The following SMAD6 variants were observed in gnomAD, a reference collection of about 807,000 sequenced individuals.
SMAD6 encodes MAD homolog 6.
In SMAD6, 103 loss-of-function variants were observed where a neutral mutation model predicts 39.4. That is an observed-to-expected ratio of 2.62 (90% confidence interval 2.23 to 3.08). The LOEUF (loss-of-function observed/expected upper bound fraction) is 3.08, where lower values mean the gene tolerates loss of function less well. SMAD6 is among the 30% of genes most tolerant of loss of function. The probability of loss-of-function intolerance (pLI) is 0.00; values close to 1 mark genes in which losing one functional copy is unlikely to be tolerated. For synonymous variants in SMAD6, 445 were observed against 353.3 expected (o/e 1.26, Z -2.91); for missense variants, 1,104 against 742.9 (o/e 1.49, Z -5.65).
chr15:66,760,753 C>T lies in SMAD6; in HGVS notation c.953-20244C>T, dbSNP rs1032750935. Among the ~76,000 whole-genome samples, 5 of 152,306 alleles carry T rather than the reference C, an allele frequency of 3.3e-5. No homozygotes were observed. In the South Asian group the frequency reaches 1.0e-3, roughly 32 times the overall value. ...TAGTCAGGGCCATCCGTGACGGCTC[C>T]AGAGTGTCGCCTTCCCAGCCAGTCT... is the stretch of plus-strand genomic sequence containing the variant. On this transcript the variant is annotated intron_variant, in intron 3 of 3. Coordinates refer to ENST00000288840, the MANE Select transcript of SMAD6 (RefSeq NM_005585.5).
At chr15:66,761,515 A>G (rs1045752086) in intron 3 of SMAD6, among the ~76,000 whole-genome samples, 1 of 152,186 alleles carries the variant, frequency 6.6e-6, no homozygotes, top group Non-Finnish European at 1.5e-5. Context: ...ACAAGAACAA[A>G]TAAACAGACC....
rs567370712 is a variant in SMAD6, at chr15:66,734,488, C to T, written c.952+17990C>T. On this transcript the variant is annotated intron_variant, in intron 3 of 3. Transcript: ENST00000288840. ...GGAAGAGCCTTTTTAGTCGGAGAGG[C>T]CCTAGCCTGGCATTTATTTAACAGT... 7.2e-5 allele frequency among the ~76,000 whole-genome samples: 11 copies of T among 152,290 alleles called. 1 individual carries two copies. The South Asian group carries it at 1.2e-3, about 17-fold the overall frequency.
rs71455528 is a variant in SMAD6 at position 66,731,943 on chromosome 15, C to CTT, written c.952+15462_952+15463dup. The stretch of plus-strand genomic sequence containing the variant: ...CATAAGCGGTAGTATCTCATTGTGA[C>CTT]TTTTTTTTTTTTTTTTTTGAGACAG... On this transcript the variant is annotated intron_variant, in intron 3 of 3. Coordinates refer to ENST00000288840, the MANE Select transcript of SMAD6 (RefSeq NM_005585.5). 7.6e-3 allele frequency among the ~76,000 whole-genome samples: 1,016 copies of CTT among 133,202 alleles called. 17 individuals carry two copies. Among genetic ancestry groups the CTT allele is most frequent in the African/African-American group, 0.019 (681 of 36,028 alleles). The allele number at this position is 133,202 out of a possible 152,430, so 87.4% of individuals were successfully genotyped here. A position where few individuals can be genotyped will look rare whatever the true frequency, so the allele number is the denominator to read the frequency against.
At chr15:66,738,185 G>A (rs920369965) in intron 3 of SMAD6, among the ~76,000 whole-genome samples, 4 of 152,170 alleles carry the variant, frequency 2.6e-5, no homozygotes, top group African/African-American at 4.8e-5. Flanking sequence ...CCAATAGCTG[G>A]GGACACAGAT....
At position 66,781,604 on chromosome 15, in the gene SMAD6, C is replaced by G. The variant is rs1022942633; in HGVS notation, c.*69C>G. On this transcript the variant is annotated 3_prime_UTR_variant, in exon 4 of 4. Coordinates refer to ENST00000288840, the MANE Select transcript of SMAD6 (RefSeq NM_005585.5). ...GCCACCTGCCGGCCTCGAGAGGGGC[C>G]GATGCCCAGAGACACAGCCCCCACG... The G allele has an allele frequency of 5.7e-6, 7 of 1,226,234 alleles. No individual in the cohort carries two copies. The African/African-American group carries it at 1.1e-4, about 19-fold the overall frequency. The allele number at this position is 1,226,234 out of a possible 1,614,324, so 76.0% of individuals were successfully genotyped here.
At chr15:66,772,193 A>G (rs1894390677) in intron 3 of SMAD6, among the ~76,000 whole-genome samples, 1 of 152,142 alleles carries the variant, frequency 6.6e-6, no homozygotes, top group African/African-American at 2.4e-5. Context: ...GAGTAATGCA[A>G]AGAGTCCACA....
chr15:66,780,929 C>T (rs575716806), intron 3 of SMAD6, 68 bp from the exon 4 acceptor site: 2 of 1,453,222 alleles, frequency 1.4e-6, no homozygotes, highest in African/African-American at 2.8e-5. Flanking sequence ...CAGTGCCCAC[C>T]TCCGCTCCTC....
In SMAD6 at chr15:66,718,104, G is replaced by T. The variant is rs768460135; in HGVS notation, c.952+1606G>T. On this transcript the variant is annotated intron_variant, in intron 3 of 3. Coordinates refer to ENST00000288840, the MANE Select transcript of SMAD6 (RefSeq NM_005585.5). ...CTCTTTCTCCCTATTGTTAATGATG[G>T]AAAGTCCGTGTGTGTGTGTGTGTGT... 1.5e-3 allele frequency among the ~76,000 whole-genome samples: 222 copies of T among 147,664 alleles called. 1 individual carries two copies. Among genetic ancestry groups the T allele is most frequent in the Non-Finnish European group, 8.6e-4 (58 of 67,126 alleles).
In SMAD6 at chr15:66,704,084, G is replaced by A; in HGVS notation, c.817+9G>A. On this transcript the variant is annotated intron_variant, in intron 1 of 3. Transcript: ENST00000288840. ...CCGGCTCTGCGGGCCCGGTGAGCGC[G>A]CTGCGCCGGCCGGGGGGGCCCCGGG... 2.1e-6 allele frequency: 3 copies of A among 1,460,496 alleles called. No homozygotes were observed. The highest frequency in any genetic ancestry group is 2.7e-6 in the Non-Finnish European group (3 of 1,113,370). 90.5% of individuals were successfully genotyped at this position (1,460,496 alleles called of 1,614,324 possible).
rs765573567 is a variant in SMAD6 at position 66,704,046 on chromosome 15, C to G, written c.788C>G (p.Pro263Arg). ...GACGGCCCTACCGTGTGCTGCAACC[C>G]CTACCACTTCAGCCGGCTCTGCGGG... ...AADGPTVCCN[P>R]YHFSRLCGPE... The change falls in exon 1 of 4, where the codon CCC becomes CGC. Residue 263 changes from proline to arginine, a missense_variant. Pro to Arg is a moderately radical substitution (Grantham distance 103). Coordinates refer to ENST00000288840, the MANE Select transcript of SMAD6 (RefSeq NM_005585.5). The G allele has an allele frequency of 4.0e-6, 6 of 1,510,478 alleles. No homozygotes were observed. Among genetic ancestry groups the G allele is most frequent in the African/African-American group, 1.4e-5 (1 of 69,594 alleles). The allele number at this position is 1,510,478 out of a possible 1,614,324, so 93.6% of individuals were successfully genotyped here. A position where few individuals can be genotyped will look rare whatever the true frequency, so the allele number is the denominator to read the frequency against.
rs757580145 is a variant in SMAD6 at position 66,703,959 on chromosome 15, A to T, written c.701A>T (p.Asp234Val). 1 of 1,438,296 alleles carries T rather than the reference A, an allele frequency of 7.0e-7. No individual in the cohort carries two copies. The highest frequency in any genetic ancestry group is 1.4e-5 in the South Asian group (1 of 73,406). 89.1% of individuals were successfully genotyped at this position (1,438,296 alleles called of 1,614,324 possible). A position where few individuals can be genotyped will look rare whatever the true frequency, so the allele number is the denominator to read the frequency against. Residue 234 changes from aspartate (D) to valine (V), a missense_variant, in exon 1 of 4, where the codon GAC (aspartate) becomes GTC (valine). Transcript: ENST00000288840. ...CTCGGCCGCCTCTTTCGCTGGCCCGACCTGCAGCACGCCGTGGAGCTGAAG... is the reference window on the plus strand; with the variant it reads ...CTCGGCCGCCTCTTTCGCTGGCCCGTCCTGCAGCACGCCGTGGAGCTGAAG... ...LLLGRLFRWP[D>V]LQHAVELKPL...
chr15:66,769,864 G>C (rs1894351046), intron 3 of SMAD6, among the ~76,000 whole-genome samples: 2 of 152,124 alleles, frequency 1.3e-5, no homozygotes, highest in South Asian at 4.1e-4. Flanking sequence ...ATGGAGTCTT[G>C]CTCTGTTGCC....
At chr15:66,773,359 G>A (rs1028202983) in intron 3 of SMAD6, among the ~76,000 whole-genome samples, 10 of 152,096 alleles carry the variant, frequency 6.6e-5, no homozygotes, top group Admixed American at 2.6e-4. Context: ...TTTTACTGCC[G>A]GAGCCCGGTG....
At chr15:66,779,283 A>G (rs1338784077) in intron 3 of SMAD6, among the ~76,000 whole-genome samples, 2 of 152,198 alleles carry the variant, frequency 1.3e-5, no homozygotes, top group Non-Finnish European at 2.9e-5. Flanking sequence ...GGCAGGATGC[A>G]GGACCTCTTC....
chr15:66,718,535 G>A (rs1345116244), intron 3 of SMAD6, among the ~76,000 whole-genome samples: 1 of 152,216 alleles, frequency 6.6e-6, no homozygotes, highest in Non-Finnish European at 1.5e-5. Flanking sequence ...CTATGCCAAG[G>A]ACATTGAGTG....
In SMAD6 at chr15:66,702,975, T is replaced by G; in HGVS notation, c.-284T>G. The G allele has an allele frequency of 6.8e-6, 2 of 296,282 alleles. No individual in the cohort carries two copies. Among genetic ancestry groups the G allele is most frequent in the Non-Finnish European group, 1.3e-5 (2 of 158,702 alleles). 18.4% of individuals were successfully genotyped at this position (296,282 alleles called of 1,614,324 possible). On this transcript the variant is annotated 5_prime_UTR_variant, in exon 1 of 4. Transcript: ENST00000288840. ...TGCAGCCCCCCTAAAGCGCGGGGGC[T>G]GGAGTTGTTGAGCAGCCCCGCCGCT...
intron 1 of SMAD6, among the ~76,000 whole-genome samples, chr15:66,708,938 C>G (rs576500148): frequency 6.6e-6 from 1 of 152,206 alleles, no homozygotes; most frequent in Non-Finnish European, 1.5e-5. Flanking sequence ...TGAATTATAT[C>G]TCAATTTTTG....
intron 3 of SMAD6, among the ~76,000 whole-genome samples, chr15:66,722,570 T>C (rs1893452933): frequency 6.6e-6 from 1 of 152,248 alleles, no homozygotes; most frequent in South Asian, 2.1e-4. Flanking sequence ...CACCCTGCCA[T>C]TTCCAACTCA....
At chr15:66,776,262 C>A (rs935216563) in intron 3 of SMAD6, among the ~76,000 whole-genome samples, 64 of 152,330 alleles carry the variant, frequency 4.2e-4, no homozygotes, top group African/African-American at 1.4e-3. Context: ...TGGGCCATGA[C>A]CCCCAACCCC....
Sources: gnomAD v4.1 joint callset for allele counts (sites outside exome capture counted in the v4.1 genomes callset) on GRCh38, gnomAD v4.1.1 for gene constraint, MANE v1.5 for transcripts, NCBI Gene and HGNC (gene_info 2026-07-23, HGNC 2026-07-21) for gene names.